PDE4D: variants seen among roughly 807,000 people sequenced by gnomAD.
PDE4D encodes 3',5'-cyclic-AMP phosphodiesterase 4D.
In PDE4D, 24 loss-of-function variants were observed where a neutral mutation model predicts 87.4. The observed-to-expected ratio is 0.27, with a 90% CI of 0.20 to 0.39. The LOEUF is 0.39. Ranked by LOEUF, PDE4D falls within the 10% of genes least tolerant of loss-of-function variation. The pLI is 1.00. For missense variants in PDE4D, 714 were observed against 1,041.0 expected (o/e 0.69, Z 4.32); for synonymous variants, 384 against 383.2 (o/e 1.00, Z -0.02).
intron 1 of PDE4D, among the ~76,000 whole-genome samples, chr5:60,388,347 T>A (rs952153901): frequency 3.3e-5 from 5 of 152,166 alleles, no homozygotes; most frequent in African/African-American, 4.8e-5. Flanking sequence ...CAGGACTCTT[T>A]CTGGAATGAG....
At chr5:59,495,153 T>C (rs1806930112) in intron 1 of PDE4D, among the ~76,000 whole-genome samples, 1 of 152,222 alleles carries the variant, frequency 6.6e-6, no homozygotes, top group African/African-American at 2.4e-5. Flanking sequence ...CACTTCTGGA[T>C]ATAACTTGCT....
At chr5:59,886,478 T>C (rs958900898) in intron 1 of PDE4D, among the ~76,000 whole-genome samples, 1 of 151,688 alleles carries the variant, frequency 6.6e-6, no homozygotes, top group Non-Finnish European at 1.5e-5. Flanking sequence ...GATCGCGCCA[T>C]TCCACTCCAG....
At position 60,045,995 on chromosome 5, in the gene PDE4D, G is replaced by A. The variant is rs575125464; in HGVS notation, c.43-57278C>T. Among the ~76,000 whole-genome samples the A allele has an allele frequency of 1.0e-3, 159 of 152,322 alleles. 2 individuals are homozygous for A. Among genetic ancestry groups the A allele is most frequent in the Admixed American group, 1.8e-3 (28 of 15,300 alleles). On this transcript the variant is annotated intron_variant, in intron 2 of 16. Transcript: ENST00000502484. The stretch of plus-strand genomic sequence containing the variant: ...CACGATATTGATTCTTCCTACCCAT[G>A]AGCATGGAATATTCTTCCATTTGTT...
At chr5:59,605,650 G>A (rs755192186) in intron 1 of PDE4D, among the ~76,000 whole-genome samples, 9 of 152,092 alleles carry the variant, frequency 5.9e-5, no homozygotes, top group African/African-American at 1.4e-4. Flanking sequence ...TTATTTCAAT[G>A]AGAATCTAAT....
intron 1 of PDE4D, among the ~76,000 whole-genome samples, chr5:60,253,619 G>A (rs527607782): frequency 2.0e-5 from 3 of 151,916 alleles, no homozygotes; most frequent in Admixed American, 1.3e-4. Context: ...TACCAAAAAC[G>A]CGATTATTAC....
rs191530775 is a variant in PDE4D at position 59,298,956 on chromosome 5, T to C, written c.456-82988A>G. Among the ~76,000 whole-genome samples, 60 of 152,294 alleles carry C rather than the reference T, an allele frequency of 3.9e-4. 2 individuals are homozygous for C. In the East Asian group the frequency reaches 8.9e-3, roughly 23 times the overall value. ...TACCAATACAAAAACAATAATAATT[T>C]TGTTTAAATTTTCCAAACACACAAA... On this transcript the variant is annotated intron_variant, in intron 1 of 14. Transcript: ENST00000340635.
intron 5 of PDE4D, among the ~76,000 whole-genome samples, chr5:59,152,694 T>C (rs929885667): frequency 2.6e-5 from 4 of 152,138 alleles, no homozygotes; most frequent in African/African-American, 9.7e-5. Context: ...TTGAAATGTG[T>C]TAACCCAACT....
chr5:59,660,255 A>G (rs959550858), intron 1 of PDE4D, among the ~76,000 whole-genome samples: 5 of 152,128 alleles, frequency 3.3e-5, no homozygotes, highest in Admixed American at 3.3e-4. Flanking sequence ...TCCCTTGGTA[A>G]TACATATTTC....
intron 1 of PDE4D, among the ~76,000 whole-genome samples, chr5:60,218,080 C>T (rs558156445): frequency 5.8e-4 from 88 of 152,038 alleles, no homozygotes; most frequent in Middle Eastern, 3.4e-3. Context: ...TAGATGTATT[C>T]ATCAAAAATC....
At chr5:60,359,750 C>G (rs1759900660) in intron 1 of PDE4D, among the ~76,000 whole-genome samples, 1 of 152,180 alleles carries the variant, frequency 6.6e-6, no homozygotes, top group Admixed American at 6.5e-5. Context: ...TTGTTGCACA[C>G]TATCTGTGCA....
At chr5:59,184,325 T>C (rs750356515) in intron 4 of PDE4D, among the ~76,000 whole-genome samples, 1 of 152,168 alleles carries the variant, frequency 6.6e-6, no homozygotes, top group Non-Finnish European at 1.5e-5. Context: ...TTTTTGATAA[T>C]GAAAAACGTG....
chr5:59,669,015 T>C lies in PDE4D; in HGVS notation c.455+224153A>G, dbSNP rs577174309. On this transcript the variant is annotated intron_variant, in intron 1 of 14. Transcript: ENST00000340635. ...ATACATGCATATTTGGAGGACAGAATCACAAACTGTTTGACACATTCAGTT... is the reference window on the plus strand; with the variant it reads ...ATACATGCATATTTGGAGGACAGAACCACAAACTGTTTGACACATTCAGTT... Among the ~76,000 whole-genome samples the C allele has an allele frequency of 3.3e-5, 5 of 152,308 alleles. No homozygotes were observed. In the East Asian group the frequency reaches 7.7e-4, roughly 24 times the overall value.
At chr5:60,217,273 G>A (rs1743963041) in intron 1 of PDE4D, among the ~76,000 whole-genome samples, 1 of 151,922 alleles carries the variant, frequency 6.6e-6, no homozygotes, top group South Asian at 2.1e-4. Flanking sequence ...ATGGGGAGTT[G>A]TTGTTTAATG....
chr5:59,154,939 A>G (rs557919345), intron 5 of PDE4D, among the ~76,000 whole-genome samples: 1 of 152,214 alleles, frequency 6.6e-6, no homozygotes, highest in Non-Finnish European at 1.5e-5. Flanking sequence ...TTCATGATTT[A>G]TAAGTTTCGA....
intron 1 of PDE4D, among the ~76,000 whole-genome samples, chr5:60,241,166 T>G (rs1267487775): frequency 2.0e-5 from 3 of 151,660 alleles, no homozygotes; most frequent in Non-Finnish European, 4.4e-5. Context: ...CAGATAAATT[T>G]CACAAAAAGA....
At chr5:59,531,255 C>A (rs1274721999) in intron 1 of PDE4D, among the ~76,000 whole-genome samples, 2 of 152,166 alleles carry the variant, frequency 1.3e-5, no homozygotes, top group Non-Finnish European at 2.9e-5. Flanking sequence ...CTGTTTCCTT[C>A]ATCTGAAATG....
chr5:59,846,331 T>C (rs1250204088), intron 1 of PDE4D, among the ~76,000 whole-genome samples: 1 of 152,046 alleles, frequency 6.6e-6, no homozygotes, highest in African/African-American at 2.4e-5. Flanking sequence ...TTCCCTCTAA[T>C]TGGGTCTGCC....
intron 1 of PDE4D, among the ~76,000 whole-genome samples, chr5:59,405,507 A>G (rs1036059281): frequency 2.0e-5 from 3 of 152,224 alleles, no homozygotes; most frequent in East Asian, 1.9e-4. Flanking sequence ...ATATAAAATA[A>G]TATCATCTGC....
chr5:59,354,629 C>T (rs573206718), intron 1 of PDE4D, among the ~76,000 whole-genome samples: 54 of 152,194 alleles, frequency 3.5e-4, no homozygotes, highest in Non-Finnish European at 6.2e-4. Context: ...TGGCTGAATG[C>T]GTAATCTCCT....
Sources: gnomAD v4.1 joint callset for allele counts (sites outside exome capture counted in the v4.1 genomes callset) on GRCh38, gnomAD v4.1.1 for gene constraint, MANE v1.5 for transcripts, NCBI Gene and HGNC (gene_info 2026-07-23, HGNC 2026-07-21) for gene names.